Variants in CD99L2 observed in about 807,000 individuals in gnomAD.
CD99L2 encodes the protein CD99 antigen-like protein 2.
In CD99L2, 24 loss-of-function variants were observed where a neutral mutation model predicts 27.3. The observed-to-expected ratio is 0.88, with a 90% CI of 0.64 to 1.24. The LOEUF is 1.24. Among genes scored for constraint, CD99L2 ranks in the 50% most tolerant of loss-of-function variants. The pLI is 0.00. For missense variants in CD99L2, 255 were observed against 221.6 expected, an observed-to-expected ratio of 1.15 and a Z score of -0.96; for synonymous variants, 97 against 87.9, an observed-to-expected ratio of 1.10 and a Z score of -0.58.
intron 1 of CD99L2, among the ~76,000 whole-genome samples, chrX:150,885,693 G>A (rs992034803): frequency 3.6e-5 from 4 of 111,847 alleles, no homozygotes; most frequent in Admixed American, 9.5e-5. Context: ...TTAGTCTACC[G>A]GAGGGTATAT....
At chrX:150,789,773 T>C (rs1386846608) in intron 7 of CD99L2, among the ~76,000 whole-genome samples, 5 of 111,852 alleles carry the variant, frequency 4.5e-5, no homozygotes, top group African/African-American at 1.3e-4. Flanking sequence ...TGGTCCCAGA[T>C]ACTCAGGAGG....
intron 7 of CD99L2, among the ~76,000 whole-genome samples, chrX:150,790,284 G>A (rs1404874193): frequency 4.6e-5 from 5 of 109,741 alleles, no homozygotes; most frequent in African/African-American, 1.7e-4. Flanking sequence ...GTACTTGGGT[G>A]GTGGACATGT....
At chrX:150,888,480 G>A (rs1054232943) in intron 1 of CD99L2, among the ~76,000 whole-genome samples, 3 of 112,148 alleles carry the variant, frequency 2.7e-5, no homozygotes, top group African/African-American at 9.7e-5. Context: ...TCCAGAATGG[G>A]CAAATCCAGA....
intron 4 of CD99L2, among the ~76,000 whole-genome samples, chrX:150,810,649 TAA>T (rs2046058562): frequency 9.1e-6 from 1 of 110,354 alleles, no homozygotes; most frequent in Admixed American, 9.7e-5. Flanking sequence ...AGAAGAACAA[TAA>T]AGTCTATAAA....
intron 9 of CD99L2, among the ~76,000 whole-genome samples, chrX:150,772,049 G>A (rs192446119): frequency 4.2e-3 from 471 of 112,371 alleles, no homozygotes; most frequent in African/African-American, 0.015. Context: ...TCTGCACCCC[G>A]GTCCCCTCTA....
At chrX:150,870,960 G>A (rs5970487) in intron 1 of CD99L2, among the ~76,000 whole-genome samples, 1,579 of 111,949 alleles carry the variant, frequency 0.014, 37 homozygotes, top group African/African-American at 0.049. Context: ...GCTGAGGGCT[G>A]AGCATCTACA....
At chrX:150,862,288 C>T (rs190534961) in intron 1 of CD99L2, among the ~76,000 whole-genome samples, 1 of 111,603 alleles carries the variant, frequency 9.0e-6, no homozygotes, top group East Asian at 2.8e-4. Flanking sequence ...AAGTGACTGC[C>T]AGATGTGATT....
Position 150,870,444 on chromosome X carries a change from C to T in CD99L2, c.67+28078G>A, listed in dbSNP as rs923473436. On this transcript the variant is annotated intron_variant, in intron 1 of 10. Coordinates refer to ENST00000370377, the MANE Select transcript of CD99L2 (RefSeq NM_031462.4). ...GGAAGCAGTCCGTACAAAAATGAGC[C>T]GGGCATTGTGGCATGTGCCTGTAAT... Among the ~76,000 whole-genome samples the T allele has an allele frequency of 8.0e-5, 9 of 111,974 alleles. No homozygotes were observed. The East Asian group carries it at 1.7e-3, about 21-fold the overall frequency.
At chrX:150,802,098 T>C (rs1440277885) in intron 4 of CD99L2, among the ~76,000 whole-genome samples, 2 of 111,889 alleles carry the variant, frequency 1.8e-5, no homozygotes, top group Non-Finnish European at 3.8e-5. Context: ...ACTATATATG[T>C]TTCTATTTGC....
chrX:150,898,485 C>T, intron 1 of CD99L2, 37 bp downstream of exon 1: 4 of 1,073,366 alleles, frequency 3.7e-6, no homozygotes, highest in Non-Finnish European at 4.9e-6. Context: ...AAGGCGGGGT[C>T]CCCGCGCGGT....
chrX:150,897,057 T>C (rs1417246890), intron 1 of CD99L2, among the ~76,000 whole-genome samples: 1 of 112,469 alleles, frequency 8.9e-6, no homozygotes, highest in African/African-American at 3.2e-5. Context: ...TTTTTCTAAC[T>C]TTTTTTGTGC....
At chrX:150,813,900 T>C (rs1421146476) in intron 4 of CD99L2, among the ~76,000 whole-genome samples, 2 of 112,225 alleles carry the variant, frequency 1.8e-5, no homozygotes, top group African/African-American at 6.5e-5. Flanking sequence ...AGCCTGTCAA[T>C]TTAAAGAAAC....
intron 1 of CD99L2, among the ~76,000 whole-genome samples, chrX:150,881,869 G>C (rs1431808123): frequency 1.9e-5 from 2 of 104,244 alleles, no homozygotes; most frequent in African/African-American, 7.1e-5. Flanking sequence ...CCAGGCTGGA[G>C]TGCAATGGCA....
At chrX:150,868,159 C>T (rs1442489821) in intron 1 of CD99L2, among the ~76,000 whole-genome samples, 1 of 109,746 alleles carries the variant, frequency 9.1e-6, no homozygotes, top group African/African-American at 3.3e-5. Flanking sequence ...GTGTAATTAG[C>T]GTATCCATCA....
At chrX:150,778,491 TGTGC>T (rs2045445311) in intron 7 of CD99L2, among the ~76,000 whole-genome samples, 2 of 94,701 alleles carry the variant, frequency 2.1e-5, no homozygotes, top group Non-Finnish European at 4.2e-5. Flanking sequence ...TTGGGGAGGC[TGTGC>T]ACATGTGGGG....
intron 1 of CD99L2, among the ~76,000 whole-genome samples, chrX:150,873,061 T>C (rs1189943553): frequency 5.4e-5 from 6 of 111,931 alleles, no homozygotes; most frequent in African/African-American, 1.9e-4. Flanking sequence ...ACCAGCAGCC[T>C]CTACTCATTT....
At chrX:150,890,942 A>C (rs2047503393) in intron 1 of CD99L2, among the ~76,000 whole-genome samples, 1 of 112,954 alleles carries the variant, frequency 8.9e-6, no homozygotes, top group Non-Finnish European at 1.9e-5. Context: ...TTTGGAATCA[A>C]ATGCAAGCGC....
intron 1 of CD99L2, among the ~76,000 whole-genome samples, chrX:150,871,030 T>C (rs2047148727): frequency 8.9e-6 from 1 of 112,331 alleles, no homozygotes; most frequent in African/African-American, 3.2e-5. Flanking sequence ...ACATTTAAAA[T>C]TGTGGGAAAT....
intron 2 of CD99L2, chrX:150,829,568 T>C (rs782526604): frequency 1.8e-5 from 6 of 324,671 alleles, no homozygotes; most frequent in South Asian, 2.7e-5. Flanking sequence ...GTTCTGTTGT[T>C]TTAAGCCATC....
Sources: gnomAD v4.1 joint callset for allele counts (sites outside exome capture counted in the v4.1 genomes callset) on GRCh38, gnomAD v4.1.1 for gene constraint, MANE v1.5 for transcripts, NCBI Gene and HGNC (gene_info 2026-07-23, HGNC 2026-07-21) for gene names.